The following COG4 variants were observed in gnomAD, a reference collection of about 807,000 sequenced individuals.
The protein encoded by COG4 is conserved oligomeric Golgi complex subunit 4.
COG4 carries 65 observed loss-of-function variants against 95.1 expected under a neutral mutation model. That is an observed-to-expected ratio of 0.68 (90% CI 0.56 to 0.84). COG4 has a LOEUF of 0.84. COG4 is among the 40% of genes least tolerant of loss of function. The probability of loss-of-function intolerance (pLI) is 0.00; values close to 1 mark genes in which losing one functional copy is unlikely to be tolerated. For missense variants in COG4, 1,045 were observed against 989.1 expected (o/e 1.06, Z -0.76); for synonymous variants, 421 against 374.8 (o/e 1.12, Z -1.42).
At chr16:70,492,761 G>C (rs1296171349) in intron 12 of COG4, among the ~76,000 whole-genome samples, 2 of 151,686 alleles carry the variant, frequency 1.3e-5, no homozygotes, top group African/African-American at 4.8e-5. Context: ...TCAGGAGTTC[G>C]AGACCATCCT....
At chr16:70,521,882 T>C (rs1261035955) in intron 1 of COG4, among the ~76,000 whole-genome samples, 1 of 149,306 alleles carries the variant, frequency 6.7e-6, no homozygotes, top group Non-Finnish European at 1.5e-5. Context: ...TTTGTATTTT[T>C]AGTAGAGACG....
At chr16:70,498,572 G>A (rs1191503122) in intron 9 of COG4, among the ~76,000 whole-genome samples, 1 of 152,138 alleles carries the variant, frequency 6.6e-6, no homozygotes, top group African/African-American at 2.4e-5. Context: ...TGATCCGCCT[G>A]CCTCAGCCTC....
At chr16:70,498,172 A>T in intron 9 of COG4, 117 bp from the exon 10 acceptor site, 1 of 707,918 alleles carries the variant, frequency 1.4e-6, no homozygotes. Flanking sequence ...CATATTTTAC[A>T]TCGTTACAAT....
At position 70,481,761 on chromosome 16, in the gene COG4, TA is replaced by T; in HGVS notation, c.2106+2del. The T allele has an allele frequency of 6.2e-7, 1 of 1,611,602 alleles. No homozygotes were observed. The highest frequency in any genetic ancestry group is 1.3e-5 in the African/African-American group (1 of 75,018). ...CCGCAGACCCATGACCCCTTTACCT[TA>T]CCCGGTTAAAGGTGGATTTCAGCAC... On this transcript the variant is annotated splice_donor_variant, in intron 17 of 18. Transcript: ENST00000323786. LOFTEE classifies it high-confidence loss of function.
rs1241775398 is a variant in COG4, at chr16:70,519,164, G to C, written c.254+485C>G. Among the ~76,000 whole-genome samples the C allele has an allele frequency of 8.8e-5, 3 of 33,978 alleles. 1 individual carries two copies. In the East Asian group the frequency reaches 3.4e-3, roughly 39 times the overall value. 22.3% of individuals were successfully genotyped at this position (33,978 alleles called of 152,430 possible). On this transcript the variant is annotated intron_variant, in intron 2 of 18. Transcript: ENST00000323786. The stretch of plus-strand genomic sequence containing the variant: ...AGACGGAGTCTCGCTCTGTTGCCCA[G>C]GCCAGACTGCGGACTGCAGTGGCGC...
intron 8 of COG4, among the ~76,000 whole-genome samples, chr16:70,507,840 T>A (rs2049610394): frequency 6.7e-6 from 1 of 150,014 alleles, no homozygotes; most frequent in Admixed American, 6.7e-5. Context: ...CCAGCGTGGG[T>A]GACAGAGTGA....
chr16:70,482,405 T>C (rs1225173681), intron 15 of COG4: 2 of 623,454 alleles, frequency 3.2e-6, no homozygotes, highest in African/African-American at 3.7e-5. Context: ...CCTGGCATTT[T>C]ATTCCTTCTT....
At chr16:70,504,631 G>T (rs2049522620) in intron 8 of COG4, among the ~76,000 whole-genome samples, 1 of 126,966 alleles carries the variant, frequency 7.9e-6, no homozygotes, top group Non-Finnish European at 1.6e-5. Context: ...AAAAAAAAGA[G>T]GCCGGGCATG....
chr16:70,518,259 T>C (rs963411889), intron 2 of COG4, among the ~76,000 whole-genome samples: 1 of 152,128 alleles, frequency 6.6e-6, no homozygotes, highest in African/African-American at 2.4e-5. Flanking sequence ...CACACCTAAA[T>C]AGGTACAGTC....
At chr16:70,486,189 C>T (rs1042272142) in intron 13 of COG4, among the ~76,000 whole-genome samples, 2 of 152,068 alleles carry the variant, frequency 1.3e-5, no homozygotes, top group Non-Finnish European at 2.9e-5. Context: ...GCCACCGCGC[C>T]CAGCCCAGAA....
In COG4 at chr16:70,481,492, A is replaced by G. The variant is rs997054427; in HGVS notation, c.2107-5T>C. 26 of 1,611,222 alleles carry G rather than the reference A, an allele frequency of 1.6e-5. No homozygotes were observed. The highest frequency in any genetic ancestry group is 2.1e-5 in the Non-Finnish European group (25 of 1,179,998). ...GTCAAACTGCAGACCACCCAGCTGC[A>G]GGAGAACCCAAGCCCAGTCACTACT... On this transcript the variant is annotated splice_polypyrimidine_tract_variant and splice_region_variant and intron_variant, in intron 17 of 18. Transcript: ENST00000323786.
At chr16:70,486,273 T>A (rs946770970) in intron 13 of COG4, among the ~76,000 whole-genome samples, 4 of 152,154 alleles carry the variant, frequency 2.6e-5, no homozygotes, top group African/African-American at 9.7e-5. Context: ...AAACTCATGT[T>A]TTGGGTTGCC....
intron 8 of COG4, among the ~76,000 whole-genome samples, chr16:70,506,279 T>G (rs2049564489): frequency 6.6e-6 from 1 of 151,666 alleles, no homozygotes; most frequent in African/African-American, 2.4e-5. Context: ...GGTGGGCGAC[T>G]GTAGTCCCAG....
At chr16:70,509,807 A>C in intron 6 of COG4, 109 bp downstream of exon 6, 2 of 804,896 alleles carry the variant, frequency 2.5e-6, no homozygotes, top group Non-Finnish European at 4.2e-6. Context: ...ATACACAATA[A>C]ACTACATGAT....
chr16:70,515,626 C>T (rs1211820978), intron 3 of COG4, among the ~76,000 whole-genome samples: 2 of 152,100 alleles, frequency 1.3e-5, no homozygotes, highest in Non-Finnish European at 2.9e-5. Flanking sequence ...GGAGGTTGCA[C>T]ACGCTGAGAT....
At chr16:70,517,515 G>T (rs2049846257) in intron 3 of COG4, 111 bp downstream of exon 3, 12 of 690,628 alleles carry the variant, frequency 1.7e-5, no homozygotes. Flanking sequence ...TTGAGCCCAG[G>T]GAGTTGGGGC....
chr16:70,512,230 G>A lies in COG4; in HGVS notation c.738+9C>T, dbSNP rs141179590. On this transcript the variant is annotated intron_variant, in intron 5 of 18. Coordinates refer to ENST00000323786, the MANE Select transcript of COG4 (RefSeq NM_015386.3). ...CACAATTATCCTGCCAAGCAATCAG[G>A]GTCCATACCTGCTTGCAAAGGTACT... 1.2e-6 allele frequency: 2 copies of A among 1,613,478 alleles called. No individual in the cohort carries two copies. The highest frequency in any genetic ancestry group is 1.3e-5 in the African/African-American group (1 of 74,906).
At chr16:70,497,482 T>C in intron 10 of COG4, 95 bp from the exon 11 acceptor site, 2 of 1,193,610 alleles carry the variant, frequency 1.7e-6, no homozygotes, top group South Asian at 1.2e-5. Flanking sequence ...TGCTCCCTTT[T>C]CTGTACCTTG....
rs575944911 is a variant in COG4, at chr16:70,521,687, T to G, written c.171+1686A>C. 2.6e-5 allele frequency among the ~76,000 whole-genome samples: 4 copies of G among 151,044 alleles called. 1 individual carries two copies. The South Asian group carries it at 8.3e-4, about 31-fold the overall frequency. On this transcript the variant is annotated intron_variant, in intron 1 of 18. Transcript: ENST00000323786. Reference sequence around the variant, plus strand: ...TGAATGCGAGCTTAGGAATGTTAAGTCAAGATACTAAATTTTTTTTTTTTT... The same window carrying G: ...TGAATGCGAGCTTAGGAATGTTAAGGCAAGATACTAAATTTTTTTTTTTTT...
Sources: allele counts gnomAD v4.1 joint callset (sites outside exome capture counted in the v4.1 genomes callset), GRCh38; gene constraint gnomAD v4.1.1; transcripts MANE v1.5; gene names NCBI Gene and HGNC (gene_info 2026-07-23, HGNC 2026-07-21).